CLDN10: variants seen among roughly 807,000 people sequenced by gnomAD.
The protein encoded by CLDN10 is claudin 10.
A neutral mutation model predicts 22.9 loss-of-function variants in CLDN10; 15 were observed. That is an observed-to-expected ratio of 0.65 (90% CI 0.44 to 1.01). The LOEUF is 1.01. Among genes scored for constraint, CLDN10 ranks in the 50% least tolerant of loss-of-function variants. The pLI, the probability that CLDN10 is intolerant of heterozygous loss-of-function variation, is 0.00. For missense variants in CLDN10, 247 were observed against 287.8 expected, an observed-to-expected ratio of 0.86 and a Z score of 1.03; for synonymous variants, 114 against 111.4, an observed-to-expected ratio of 1.02 and a Z score of -0.15.
At chr13:95,437,060 T>G (rs1285902340) in intron 1 of CLDN10, among the ~76,000 whole-genome samples, 2 of 152,212 alleles carry the variant, frequency 1.3e-5, no homozygotes, top group East Asian at 3.8e-4. Flanking sequence ...TTGTATTTTT[T>G]TTTTCTTGCT....
At chr13:95,508,600 G>A (rs1019701617) in intron 1 of CLDN10, among the ~76,000 whole-genome samples, 3 of 152,232 alleles carry the variant, frequency 2.0e-5, no homozygotes, top group Non-Finnish European at 4.4e-5. Context: ...GCGGACAACC[G>A]CCCAACTGTA....
At chr13:95,521,773 T>A (rs566133085) in intron 1 of CLDN10, among the ~76,000 whole-genome samples, 1 of 152,244 alleles carries the variant, frequency 6.6e-6, no homozygotes, top group South Asian at 2.1e-4. Context: ...AGTAAACCCA[T>A]CTGGACCTAG....
At chr13:95,446,375 T>C (rs2042379201) in intron 1 of CLDN10, among the ~76,000 whole-genome samples, 1 of 152,228 alleles carries the variant, frequency 6.6e-6, no homozygotes, top group African/African-American at 2.4e-5. Context: ...TTCAATAGTT[T>C]TGAACAACTG....
chr13:95,470,775 T>A lies in CLDN10; in HGVS notation c.214+36728T>A, dbSNP rs571293676. ...CATTTCAATCACACACTTGTCTCTG[T>A]TACTGATACCCCCTCCCACTCCGGG... On this transcript the variant is annotated intron_variant, in intron 1 of 4. Transcript: ENST00000376873. Among the ~76,000 whole-genome samples, 480 of 152,276 alleles carry A rather than the reference T, an allele frequency of 3.2e-3. 2 individuals carry two copies. The highest frequency in any genetic ancestry group is 6.2e-3 in the Admixed American group (95 of 15,286).
intron 1 of CLDN10, among the ~76,000 whole-genome samples, chr13:95,504,781 C>G (rs552533629): frequency 6.6e-6 from 1 of 151,996 alleles, no homozygotes; most frequent in Admixed American, 6.6e-5. Context: ...CAAGTGATCC[C>G]CCCACCTCAG....
In CLDN10 at chr13:95,534,541, C is replaced by CA. The variant is rs1002373727; in HGVS notation, c.215-25582dup. Among the ~76,000 whole-genome samples the CA allele has an allele frequency of 6.0e-5, 9 of 148,976 alleles. No individual in the cohort carries two copies. In the South Asian group the frequency reaches 8.5e-4, roughly 14 times the overall value. On this transcript the variant is annotated intron_variant, in intron 1 of 4. Coordinates refer to the CLDN10 transcript ENST00000376873. ...TTTTTATATCAAACCGTTAAAAATT[C>CA]AAAAAAAAATCAATTCTCCATCTTC...
chr13:95,563,095 A>ACTTT (rs1555300132), intron 3 of CLDN10, among the ~76,000 whole-genome samples: 2 of 128,066 alleles, frequency 1.6e-5, no homozygotes, highest in Non-Finnish European at 3.3e-5. Flanking sequence ...CTGCCTACCC[A>ACTTT]CTCTCTCTCT....
At chr13:95,441,344 A>T (rs2042323094) in intron 1 of CLDN10, among the ~76,000 whole-genome samples, 1 of 152,042 alleles carries the variant, frequency 6.6e-6, no homozygotes, top group Non-Finnish European at 1.5e-5. Context: ...TCCTGGGTTT[A>T]AGCAATCCTC....
chr13:95,503,050 G>A (rs1169792383), intron 1 of CLDN10, among the ~76,000 whole-genome samples: 1 of 152,182 alleles, frequency 6.6e-6, no homozygotes, highest in South Asian at 2.1e-4. Flanking sequence ...CTTGTGGTAG[G>A]GTTAAATTTG....
At chr13:95,481,901 C>G (rs979354575) in intron 1 of CLDN10, among the ~76,000 whole-genome samples, 6 of 152,064 alleles carry the variant, frequency 3.9e-5, no homozygotes, top group Admixed American at 3.9e-4. Flanking sequence ...TGTCTGTAAT[C>G]CCAGTAACTT....
intron 3 of CLDN10, among the ~76,000 whole-genome samples, chr13:95,564,894 T>C (rs745836677): frequency 2.6e-5 from 4 of 152,158 alleles, no homozygotes; most frequent in African/African-American, 4.8e-5. Context: ...TCTGGGAAGA[T>C]TTTTCTTCCG....
chr13:95,543,877 GT>G, intron 1 of CLDN10, among the ~76,000 whole-genome samples: 1 of 151,866 alleles, frequency 6.6e-6, no homozygotes, highest in Non-Finnish European at 1.5e-5. Context: ...TAATTTAATT[GT>G]TTAAAATATA....
chr13:95,438,319 G>T (rs1385411287), intron 1 of CLDN10, among the ~76,000 whole-genome samples: 1 of 152,196 alleles, frequency 6.6e-6, no homozygotes, highest in Non-Finnish European at 1.5e-5. Flanking sequence ...TGCCCAGGGT[G>T]GTCTCAAACT....
At position 95,560,275 on chromosome 13, in the gene CLDN10, A is replaced by T. The variant is rs2043690681; in HGVS notation, c.364A>T (p.Ile122Phe). 6 of 1,614,138 alleles carry T rather than the reference A, an allele frequency of 3.7e-6. No individual in the cohort carries two copies. The highest frequency in any genetic ancestry group is 5.1e-6 in the Non-Finnish European group (6 of 1,179,992). Residue 122 changes from isoleucine (I) to phenylalanine (F), a missense_variant, in exon 2 of 5, where the codon ATT (isoleucine) becomes TTT (phenylalanine). Coordinates refer to ENST00000299339, the MANE Select transcript of CLDN10 (RefSeq NM_006984.5). The part of the protein sequence containing the change: ...AKAKIACLAG[I>F]VFILSGLCSM... ...AGCTAAAATTGCTTGTTTGGCTGGG[A>T]TTGTATTCATACTGTCAGGTAAATA...
chr13:95,474,135 C>G (rs751330108), intron 1 of CLDN10, among the ~76,000 whole-genome samples: 1 of 151,990 alleles, frequency 6.6e-6, no homozygotes, highest in Non-Finnish European at 1.5e-5. Context: ...CAGTGGGAGC[C>G]CTGAGCTTGT....
intron 1 of CLDN10, among the ~76,000 whole-genome samples, chr13:95,517,918 A>G (rs2043186806): frequency 1.5e-5 from 2 of 136,448 alleles, no homozygotes; most frequent in African/African-American, 2.7e-5. Flanking sequence ...GGACAACAAG[A>G]GCAAAACTCC....
chr13:95,577,163 A>G (rs1244875975), intron 3 of CLDN10, 68 bp from the exon 4 acceptor site: 10 of 977,142 alleles, frequency 1.0e-5, no homozygotes, highest in Admixed American at 2.1e-5. Context: ...AATGTTGACT[A>G]TCAGTGTTAA....
intron 1 of CLDN10, among the ~76,000 whole-genome samples, chr13:95,470,969 A>G (rs2042625199): frequency 6.6e-6 from 1 of 152,168 alleles, no homozygotes; most frequent in African/African-American, 2.4e-5. Context: ...TGCTGGGGAA[A>G]GTGAAGGAGA....
chr13:95,537,992 A>G (rs138017245), intron 1 of CLDN10, among the ~76,000 whole-genome samples: 2,290 of 152,304 alleles, frequency 0.015, 61 homozygotes, highest in African/African-American at 0.052. Flanking sequence ...GCAAATGCAG[A>G]GCTAAATTCA....
Sources: allele counts gnomAD v4.1 joint callset (sites outside exome capture counted in the v4.1 genomes callset), GRCh38; gene constraint gnomAD v4.1.1; transcripts MANE v1.5; gene names NCBI Gene and HGNC (gene_info 2026-07-23, HGNC 2026-07-21).